The following ZNF536 variants were observed in gnomAD, a reference collection of about 807,000 sequenced individuals.
The protein encoded by ZNF536 is zinc finger protein 536.
A neutral mutation model predicts 84.5 loss-of-function variants in ZNF536; 13 were observed. The observed-to-expected ratio is 0.15, with a 90% confidence interval of 0.10 to 0.24. The LOEUF is 0.24. Among genes scored for constraint, ZNF536 ranks in the 10% least tolerant of loss-of-function variants. The pLI, the probability that ZNF536 is intolerant of heterozygous loss-of-function variation, is 1.00. For missense variants in ZNF536, 1,536 were observed against 1,747.5 expected (o/e 0.88, Z 2.16); for synonymous variants, 811 against 742.5 (o/e 1.09, Z -1.50).
At chr19:30,588,095 C>T (rs888700326) in intron 1 of ZNF536, among the ~76,000 whole-genome samples, 1 of 152,220 alleles carries the variant, frequency 6.6e-6, no homozygotes, top group Non-Finnish European at 1.5e-5. Context: ...CAGTGAGCTC[C>T]CTCAGGCGGC....
chr19:30,471,238 T>G (rs1461373670), intron 2 of ZNF536, among the ~76,000 whole-genome samples: 1 of 152,192 alleles, frequency 6.6e-6, no homozygotes, highest in Non-Finnish European at 1.5e-5. Context: ...TTAATCTGGC[T>G]TATCACTGAT....
chr19:30,684,910 A>G (rs2051112967), intron 1 of ZNF536, among the ~76,000 whole-genome samples: 1 of 152,112 alleles, frequency 6.6e-6, no homozygotes, highest in Admixed American at 6.5e-5. Flanking sequence ...GGGACACTCA[A>G]ACTTAGCCTA....
intron 1 of ZNF536, among the ~76,000 whole-genome samples, chr19:30,417,759 C>A (rs1267441737): frequency 2.6e-5 from 4 of 151,926 alleles, no homozygotes; most frequent in Non-Finnish European, 5.9e-5. Context: ...TTTTGGGGGT[C>A]GGAATTTTTG....
chr19:30,436,534 C>A (rs2051756758), intron 1 of ZNF536: 8 of 984,302 alleles, frequency 8.1e-6, no homozygotes, highest in Non-Finnish European at 9.6e-6. Context: ...AGCATGAAAT[C>A]TCTGGTTTAT....
At position 30,599,276 on chromosome 19, in the gene ZNF536, GT is replaced by G. The variant is rs2047590880; in HGVS notation, c.169+49763del. On this transcript the variant is annotated intron_variant, in intron 1 of 1. Coordinates refer to the ZNF536 transcript ENST00000592773. ...CCTTTCCTCCCTTTCCCCCATCCTT[GT>G]CTCTCTCCTTTCCTACCTCCCTTCA... 3.6e-5 allele frequency among the ~76,000 whole-genome samples: 3 copies of G among 83,250 alleles called. 1 individual carries two copies. The highest frequency in any genetic ancestry group is 3.3e-4 in the Admixed American group (2 of 6,084). The allele number at this position is 83,250 out of a possible 152,430, so 54.6% of individuals were successfully genotyped here.
chr19:30,360,409 G>T (rs954113267), intron 3 of ZNF536, among the ~76,000 whole-genome samples: 2 of 152,218 alleles, frequency 1.3e-5, no homozygotes, highest in Admixed American at 6.5e-5. Context: ...ATTGCAGAAC[G>T]CCTGCATAAG....
At chr19:30,677,861 C>T (rs1449856407) in intron 1 of ZNF536, among the ~76,000 whole-genome samples, 1 of 152,080 alleles carries the variant, frequency 6.6e-6, no homozygotes, top group Non-Finnish European at 1.5e-5. Context: ...ATGGGAGTCT[C>T]TGCCCAGGAA....
intron 2 of ZNF536, among the ~76,000 whole-genome samples, chr19:30,334,485 G>A (rs1233322456): frequency 2.0e-5 from 3 of 152,148 alleles, no homozygotes; most frequent in African/African-American, 7.2e-5. Flanking sequence ...TTGGGGCTAG[G>A]GTTGGTATTA....
In ZNF536 at chr19:30,445,706, C is replaced by T. The variant is rs2148235906; in HGVS notation, c.2144C>T (p.Pro715Leu). 4 of 1,575,880 alleles carry T rather than the reference C, an allele frequency of 2.5e-6. No homozygotes were observed. The highest frequency in any genetic ancestry group is 3.4e-6 in the Non-Finnish European group (4 of 1,160,084). Residue 715 changes from proline (P) to leucine (L), a missense_variant, in exon 2 of 5, where the codon CCG becomes CTG. Transcript: ENST00000355537. The surrounding 1 kb of genome is among the most constrained non-coding windows in gnomAD (Gnocchi z 4.5). ...SQTGSAQEDSPHPSSPSSSDI... is the reference protein window; with the variant it reads ...SQTGSAQEDSLHPSSPSSSDI... ...ACCGGGAGTGCCCAGGAGGACAGCC[C>T]GCACCCCTCCTCGCCATCCTCCTCA...
intron 1 of ZNF536, among the ~76,000 whole-genome samples, chr19:30,688,283 T>C (rs1345858388): frequency 6.6e-6 from 1 of 152,208 alleles, no homozygotes; most frequent in Non-Finnish European, 1.5e-5. Flanking sequence ...TTGGAATTTC[T>C]GTATTTCGTT....
chr19:30,569,542 G>T (rs1019289978), intron 1 of ZNF536, among the ~76,000 whole-genome samples: 1 of 138,278 alleles, frequency 7.2e-6, no homozygotes, highest in African/African-American at 2.7e-5. Context: ...AGATGGAATC[G>T]AAGCCAGATA....
At chr19:30,599,325 C>A (rs1306565322) in intron 1 of ZNF536, among the ~76,000 whole-genome samples, 4 of 133,322 alleles carry the variant, frequency 3.0e-5, no homozygotes, top group Admixed American at 1.6e-4. Context: ...TCCTCCTTTC[C>A]TTCTTTCCTT....
chr19:30,671,455 G>A (rs1156863042), intron 1 of ZNF536, among the ~76,000 whole-genome samples: 4 of 152,170 alleles, frequency 2.6e-5, no homozygotes, highest in African/African-American at 9.7e-5. Context: ...GCCAGGTCAC[G>A]GAGGCCTTGT....
At chr19:30,603,947 A>C (rs1448326903) in intron 1 of ZNF536, among the ~76,000 whole-genome samples, 3 of 152,180 alleles carry the variant, frequency 2.0e-5, no homozygotes, top group Admixed American at 2.0e-4. Flanking sequence ...AAAATTAGCC[A>C]GGCGTGGTGG....
intron 2 of ZNF536, among the ~76,000 whole-genome samples, chr19:30,461,999 C>T (rs1435002270): frequency 6.6e-6 from 1 of 152,154 alleles, no homozygotes; most frequent in Non-Finnish European, 1.5e-5. Context: ...AGAAGGAGAT[C>T]TCTAATCCTC....
intron 2 of ZNF536, among the ~76,000 whole-genome samples, chr19:30,453,206 G>C (rs1462177205): frequency 6.6e-6 from 1 of 152,152 alleles, no homozygotes; most frequent in East Asian, 1.9e-4. Flanking sequence ...AGGGGAACAG[G>C]ACTTGGGCAG....
chr19:30,507,215 C>A (rs573270822), intron 2 of ZNF536, among the ~76,000 whole-genome samples: 1 of 151,986 alleles, frequency 6.6e-6, no homozygotes, highest in Admixed American at 6.6e-5. Flanking sequence ...TACAAAAATT[C>A]TCTGGTTGTG....
At chr19:30,475,757 C>T (rs543606526) in intron 2 of ZNF536, among the ~76,000 whole-genome samples, 289 of 152,254 alleles carry the variant, frequency 1.9e-3, no homozygotes, top group Non-Finnish European at 3.4e-3. Flanking sequence ...GACATGGCCC[C>T]GTGTACTGGC....
chr19:30,608,997 G>A (rs778551301), intron 1 of ZNF536, among the ~76,000 whole-genome samples: 9 of 152,208 alleles, frequency 5.9e-5, no homozygotes, highest in Non-Finnish European at 8.8e-5. Context: ...GGGCCCATAC[G>A]TGTCTCTCTC....
Sources: gnomAD v4.1 joint callset for allele counts (sites outside exome capture counted in the v4.1 genomes callset) on GRCh38, gnomAD v4.1.1 for gene constraint, Gnocchi (gnomAD v3.1) non-coding constraint, MANE v1.5 for transcripts, NCBI Gene and HGNC (gene_info 2026-07-23, HGNC 2026-07-21) for gene names.